The following ADGRB1 variants were observed in gnomAD, a reference collection of about 807,000 sequenced individuals.
ADGRB1 encodes brain-specific angiogenesis inhibitor 1.
ADGRB1 carries 36 observed loss-of-function variants against 175.7 expected under a neutral mutation model. That is an observed-to-expected ratio of 0.20 (90% CI 0.16 to 0.27). The LOEUF (loss-of-function observed/expected upper bound fraction) is 0.27, where lower values mean the gene tolerates loss of function less well. Ranked by LOEUF, ADGRB1 falls within the 10% of genes least tolerant of loss-of-function variation. The pLI, the probability that ADGRB1 is intolerant of heterozygous loss-of-function variation, is 1.00. For synonymous variants in ADGRB1, 1,054 were observed against 979.4 expected (o/e 1.08, Z -1.42); for missense variants, 1,731 against 2,255.3 (o/e 0.77, Z 4.71).
intron 26 of ADGRB1, among the ~76,000 whole-genome samples, 181 bp from the exon 27 acceptor site, chr8:142,539,193 C>T (rs1045046847): frequency 6.6e-6 from 1 of 152,172 alleles, no homozygotes; most frequent in African/African-American, 2.4e-5. Flanking sequence ...CACAAACGCC[C>T]ACCACACAGG....
In ADGRB1 at chr8:142,478,231, G is replaced by C. The variant is rs374154691; in HGVS notation, c.1432G>C (p.Ala478Pro). 3 of 1,607,754 alleles carry C rather than the reference G, an allele frequency of 1.9e-6. No individual in the cohort carries two copies. The highest frequency in any genetic ancestry group is 2.5e-6 in the Non-Finnish European group (3 of 1,177,892). ...GNWNEWSSWS[A>P]CSASCSQGRQ... ...CTGGAATGAGTGGTCGAGCTGGAGCGCCTGCTCCGCCAGCTGCTCCCAGGG... is the reference window on the plus strand; with the variant it reads ...CTGGAATGAGTGGTCGAGCTGGAGCCCCTGCTCCGCCAGCTGCTCCCAGGG... The change falls in exon 7 of 31, where the codon GCC (alanine) becomes CCC (proline). Residue 478 changes from alanine (A) to proline (P), a missense_variant. By Grantham distance (27) the Ala-to-Pro change is conservative (BLOSUM62 -1). Coordinates refer to ENST00000517894, the MANE Select transcript of ADGRB1 (RefSeq NM_001702.3).
intron 16 of ADGRB1, among the ~76,000 whole-genome samples, chr8:142,490,063 G>A (rs938642254): frequency 1.3e-5 from 2 of 152,184 alleles, no homozygotes; most frequent in South Asian, 2.1e-4. Context: ...CTGGGTTACC[G>A]CACCAGGACT....
rs1046613618 is a variant in ADGRB1, at chr8:142,464,049, C to T, written c.-150C>T. 48 of 674,756 alleles carry T rather than the reference C, an allele frequency of 7.1e-5. No homozygotes were observed. The African/African-American group carries it at 7.9e-4, about 11-fold the overall frequency. The allele number at this position is 674,756 out of a possible 1,614,324, so 41.8% of individuals were successfully genotyped here. ...GAAGCCGTTGCTGCCCTCTCTGTCA[C>T]CTGAAGCGGGGCCCTCTCCCATCCC... is the stretch of plus-strand genomic sequence containing the variant. On this transcript the variant is annotated 5_prime_UTR_variant, in exon 2 of 31. Transcript: ENST00000517894.
rs1039163391 is a variant in ADGRB1, at chr8:142,464,102, C to G, written c.-97C>G. The G allele has an allele frequency of 1.9e-6, 2 of 1,079,856 alleles. No homozygotes were observed. The highest frequency in any genetic ancestry group is 2.3e-6 in the Non-Finnish European group (2 of 858,742). 66.9% of individuals were successfully genotyped at this position (1,079,856 alleles called of 1,614,324 possible). A position where few individuals can be genotyped will look rare whatever the true frequency, so the allele number is the denominator to read the frequency against. Reference sequence around the variant, plus strand: ...CCTTGCCCCGCCTCCCTGCCCCCACCGGGCCGGCCCTGCCCGCCGCCGGAC... The same window carrying G: ...CCTTGCCCCGCCTCCCTGCCCCCACGGGGCCGGCCCTGCCCGCCGCCGGAC... On this transcript the variant is annotated 5_prime_UTR_variant, in exon 2 of 31. Transcript: ENST00000517894.
rs1209871080 is a variant in ADGRB1 at position 142,522,750 on chromosome 8, G to GC, written c.3245+46dup. The GC allele has an allele frequency of 6.2e-6, 9 of 1,446,690 alleles. 1 individual carries two copies. The highest frequency in any genetic ancestry group is 2.9e-5 in the South Asian group (2 of 67,876). The allele number at this position is 1,446,690 out of a possible 1,614,324, so 89.6% of individuals were successfully genotyped here. On this transcript the variant is annotated intron_variant, in intron 22 of 30. Transcript: ENST00000517894. ...TGGGGGTGTGGTGGATGGCCACATG[G>GC]CCCCCCAGAGACTTCCACCGCCCTG...
chr8:142,520,108 G>T (rs1473228956), intron 19 of ADGRB1, among the ~76,000 whole-genome samples: 2 of 147,986 alleles, frequency 1.4e-5, no homozygotes, highest in East Asian at 2.1e-4. Context: ...TGGTGATAGT[G>T]GTAATGATTG....
chr8:142,466,328 G>A (rs931496383), intron 2 of ADGRB1, among the ~76,000 whole-genome samples: 4 of 152,224 alleles, frequency 2.6e-5, no homozygotes, highest in Non-Finnish European at 5.9e-5. Flanking sequence ...AATAGGCTAC[G>A]CAGGGCTACA....
At chr8:142,507,280 C>T (rs1842893546) in intron 17 of ADGRB1, among the ~76,000 whole-genome samples, 1 of 152,186 alleles carries the variant, frequency 6.6e-6, no homozygotes, top group Non-Finnish European at 1.5e-5. Flanking sequence ...CACATGCTGC[C>T]AAGGCCTGTG....
intron 1 of ADGRB1, among the ~76,000 whole-genome samples, chr8:142,460,633 C>T (rs1053838650): frequency 6.6e-6 from 1 of 152,178 alleles, no homozygotes; most frequent in African/African-American, 2.4e-5. Context: ...TGGGCCATCT[C>T]CTGGCCCCAA....
rs114661133 is a variant in ADGRB1 at position 142,473,352 on chromosome 8, T to C, written c.785-2122T>C. Among the ~76,000 whole-genome samples, 1,115 of 152,298 alleles carry C rather than the reference T, an allele frequency of 7.3e-3. 13 individuals are homozygous for C. Among genetic ancestry groups the C allele is most frequent in the African/African-American group, 0.026 (1,075 of 41,556 alleles). ...TTGCCTCAGAATCGGGGTGGTGGGA[T>C]GCCTTCAGCAGATGAGACCACTGAG... On this transcript the variant is annotated intron_variant, in intron 2 of 30. Transcript: ENST00000517894.
chr8:142,534,278 G>A (rs768654103), intron 25 of ADGRB1, among the ~76,000 whole-genome samples: 6 of 152,228 alleles, frequency 3.9e-5, no homozygotes, highest in East Asian at 1.9e-4. Flanking sequence ...AAGGTCAGGC[G>A]TGGGAGGCCT....
At chr8:142,526,318 C>T (rs949812728) in intron 23 of ADGRB1, among the ~76,000 whole-genome samples, 3 of 152,158 alleles carry the variant, frequency 2.0e-5, no homozygotes, top group African/African-American at 4.8e-5. Context: ...GAGGTGCCGA[C>T]GGTGCGGGTG....
At chr8:142,512,563 G>T (rs540150825) in intron 18 of ADGRB1, among the ~76,000 whole-genome samples, 71 of 152,306 alleles carry the variant, frequency 4.7e-4, no homozygotes, top group African/African-American at 1.4e-3. Flanking sequence ...CAGGCCTGCA[G>T]CAGGTCAGTG....
At chr8:142,491,527 C>T (rs887875654) in intron 17 of ADGRB1, among the ~76,000 whole-genome samples, 7 of 152,234 alleles carry the variant, frequency 4.6e-5, no homozygotes, top group African/African-American at 1.7e-4. Flanking sequence ...AAAGTGCCAG[C>T]GCCCAGGGCT....
At position 142,461,676 on chromosome 8, in the gene ADGRB1, G is replaced by A. The variant is rs12544131; in HGVS notation, c.-219-2304G>A. Reference sequence around the variant, plus strand: ...GTGGAGCTGCCAGGGCCTGGGATGAGGAGGGGAAAGGTGGGCCTTGGCATC... The same window carrying A: ...GTGGAGCTGCCAGGGCCTGGGATGAAGAGGGGAAAGGTGGGCCTTGGCATC... On this transcript the variant is annotated intron_variant, in intron 1 of 30. Coordinates refer to ENST00000517894, the MANE Select transcript of ADGRB1 (RefSeq NM_001702.3). 3.3e-3 allele frequency among the ~76,000 whole-genome samples: 501 copies of A among 152,348 alleles called. 13 individuals are homozygous for A. Among genetic ancestry groups the A allele is most frequent in the Admixed American group, 0.031 (474 of 15,312 alleles).
chr8:142,465,561 C>G (rs1840232081), intron 2 of ADGRB1, among the ~76,000 whole-genome samples: 1 of 151,974 alleles, frequency 6.6e-6, no homozygotes, highest in African/African-American at 2.4e-5. Context: ...GCCACACGCT[C>G]TAGGTGCTGG....
intron 3 of ADGRB1, among the ~76,000 whole-genome samples, chr8:142,476,016 T>C (rs1296289116): frequency 1.3e-5 from 2 of 151,330 alleles, no homozygotes; most frequent in African/African-American, 4.8e-5. Context: ...GGATTGGGGT[T>C]TTTGGAGGGT....
chr8:142,522,218 G>T, intron 21 of ADGRB1, 103 bp downstream of exon 21: 1 of 1,481,218 alleles, frequency 6.8e-7, no homozygotes, highest in Non-Finnish European at 9.0e-7. Flanking sequence ...GTGGACCCCT[G>T]GGGCCTCAGT....
Position 142,474,835 on chromosome 8 carries a change from T to C in ADGRB1, c.785-639T>C, listed in dbSNP as rs1840862888. Among the ~76,000 whole-genome samples the C allele has an allele frequency of 6.6e-6, 1 of 152,050 alleles. No homozygotes were observed. Among genetic ancestry groups the C allele is most frequent in the Non-Finnish European group, 1.5e-5 (1 of 67,988 alleles). On this transcript the variant is annotated intron_variant, in intron 2 of 30. Coordinates refer to ENST00000517894, the MANE Select transcript of ADGRB1 (RefSeq NM_001702.3). The surrounding 1 kb of genome is among the most constrained non-coding windows in gnomAD (Gnocchi z 5.8). ...CTGCAGGCATTTATCCCAGGCTCCC[T>C]CCTCGGGTGGCCAGCTGGCCAGGTC...
Sources: gnomAD v4.1 joint callset for allele counts (sites outside exome capture counted in the v4.1 genomes callset) on GRCh38, gnomAD v4.1.1 for gene constraint, Gnocchi (gnomAD v3.1) non-coding constraint, MANE v1.5 for transcripts, NCBI Gene and HGNC (gene_info 2026-07-23, HGNC 2026-07-21) for gene names.